The following STAT3 variants were observed in gnomAD, a reference collection of about 807,000 sequenced individuals.
The protein encoded by STAT3 is signal transducer and activator of transcription 3.
STAT3 carries 7 observed loss-of-function variants against 114.3 expected under a neutral mutation model. The observed-to-expected ratio is 0.06, with a 90% confidence interval of 0.03 to 0.11. The LOEUF (loss-of-function observed/expected upper bound fraction) is 0.11. Among genes scored for constraint, STAT3 ranks in the 10% least tolerant of loss-of-function variants. The pLI is 1.00. For synonymous variants in STAT3, 331 were observed against 354.5 expected (o/e 0.93, Z 0.74); for missense variants, 364 against 960.9 (o/e 0.38, Z 8.21).
At chr17:42,318,988 C>T (rs2081356741) in intron 21 of STAT3, among the ~76,000 whole-genome samples, 1 of 152,204 alleles carries the variant, frequency 6.6e-6, no homozygotes. Context: ...TGCCTGTAAT[C>T]CCTGCACTTT....
chr17:42,340,348 T>G (rs976782926), intron 4 of STAT3, among the ~76,000 whole-genome samples: 1 of 105,656 alleles, frequency 9.5e-6, no homozygotes, highest in South Asian at 3.1e-4. Flanking sequence ...AAAGTGAAAC[T>G]CCATCTCAAA....
At chr17:42,342,430 C>T (rs2082482582) in intron 4 of STAT3, among the ~76,000 whole-genome samples, 1 of 151,928 alleles carries the variant, frequency 6.6e-6, no homozygotes, top group African/African-American at 2.4e-5. Context: ...TTGCAGTGGG[C>T]CGAAATCGCG....
chr17:42,352,035 A>AT (rs1386923917), intron 1 of STAT3, among the ~76,000 whole-genome samples: 2 of 151,832 alleles, frequency 1.3e-5, no homozygotes, highest in Non-Finnish European at 2.9e-5. Flanking sequence ...GATCCTGCTT[A>AT]TAATTAATTA....
At position 42,337,369 on chromosome 17, in the gene STAT3, T is replaced by G. The variant is rs933212366; in HGVS notation, c.797+66A>C. On this transcript the variant is annotated intron_variant, in intron 8 of 23. Transcript: ENST00000264657. This position sits in a 1 kb window ranked among gnomAD's most constrained non-coding sequence, Gnocchi z 4.0. ...AGATATAGTACCAATTCTGTGGGCC[T>G]GCAGTTAAGATCAGAATTCAATCTA... 6.3e-7 allele frequency: 1 copy of G among 1,596,322 alleles called. No homozygotes were observed. The highest frequency in any genetic ancestry group is 8.6e-7 in the Non-Finnish European group (1 of 1,167,908).
intron 1 of STAT3, among the ~76,000 whole-genome samples, chr17:42,365,857 T>C (rs1189758976): frequency 1.3e-5 from 2 of 152,010 alleles, no homozygotes; most frequent in African/African-American, 2.4e-5. Flanking sequence ...GGTTTCACCA[T>C]ATTGGCCAGG....
At chr17:42,343,109 C>A (rs1304921099) in intron 4 of STAT3, among the ~76,000 whole-genome samples, 3 of 147,152 alleles carry the variant, frequency 2.0e-5, no homozygotes, top group Non-Finnish European at 4.5e-5. Context: ...GTGGTTGAGG[C>A]TGCAGTGAGC....
At chr17:42,363,731 C>A (rs2083635161) in intron 1 of STAT3, among the ~76,000 whole-genome samples, 1 of 151,866 alleles carries the variant, frequency 6.6e-6, no homozygotes, top group African/African-American at 2.4e-5. Flanking sequence ...CGATTATAGG[C>A]ATGAGCCATG....
At position 42,322,502 on chromosome 17, in the gene STAT3, A is replaced by G. The variant is rs774669527; in HGVS notation, c.1889-8T>C. ...ACTGGATCTGGGTCTTACCTGTCAC[A>G]GGACATGGGAAGGAAAGATCATGGA... On this transcript the variant is annotated splice_region_variant and splice_polypyrimidine_tract_variant and intron_variant, in intron 20 of 23. Coordinates refer to ENST00000264657, the MANE Select transcript of STAT3 (RefSeq NM_139276.3). 1.9e-6 allele frequency: 3 copies of G among 1,614,038 alleles called. No homozygotes were observed. The highest frequency in any genetic ancestry group is 2.7e-5 in the African/African-American group (2 of 74,934).
intron 14 of STAT3, among the ~76,000 whole-genome samples, chr17:42,327,106 C>T (rs1839477846): frequency 6.6e-6 from 1 of 152,234 alleles, no homozygotes; most frequent in African/African-American, 2.4e-5. Context: ...ATACGTAAGG[C>T]ACAAAGAATA....
chr17:42,344,613 G>A (rs1051795392), intron 4 of STAT3, among the ~76,000 whole-genome samples: 3 of 151,676 alleles, frequency 2.0e-5, no homozygotes, highest in Admixed American at 6.6e-5. Flanking sequence ...CAGCTAGTCG[G>A]GAGGCTGAGG....
intron 1 of STAT3, among the ~76,000 whole-genome samples, chr17:42,373,671 C>T (rs888364874): frequency 1.3e-5 from 2 of 151,866 alleles, no homozygotes; most frequent in African/African-American, 4.8e-5. Flanking sequence ...GGGTGGATCA[C>T]GAGGTCAGGA....
chr17:42,332,893 C>T (rs1482140509), intron 10 of STAT3, among the ~76,000 whole-genome samples: 1 of 151,582 alleles, frequency 6.6e-6, no homozygotes, highest in Non-Finnish European at 1.5e-5. Flanking sequence ...CCCAGTTACT[C>T]AGGAGGCTGA....
At chr17:42,317,321 A>G in intron 21 of STAT3, 97 bp from the exon 22 acceptor site, 1 of 1,378,684 alleles carries the variant, frequency 7.3e-7, no homozygotes, top group East Asian at 2.4e-5. Flanking sequence ...CTGATTTGAA[A>G]CTCACTCATC....
At position 42,348,475 on chromosome 17, in the gene STAT3, G is replaced by A. The variant is rs2145014201; in HGVS notation, c.42C>T (p.Tyr14=). 6.2e-7 allele frequency: 1 copy of A among 1,613,948 alleles called. No individual in the cohort carries two copies. Among genetic ancestry groups the A allele is most frequent in the Non-Finnish European group, 8.5e-7 (1 of 1,180,012 alleles). The change falls in exon 2 of 24, where the codon TAC becomes TAT. Residue 14 remains tyrosine, a synonymous_variant. Transcript: ENST00000264657. ...TGTAGAGCTGATGGAGCTGCTCCAG[G>A]TACCGTGTGTCAAGCTGCTGTAGCT... The part of the protein sequence containing the change: ...WNQLQQLDTR[Y]LEQLHQLYSD...
At chr17:42,338,481 GGACCTGAGGGAATAC>G (rs2082311042) in intron 6 of STAT3, among the ~76,000 whole-genome samples, 1 of 27,306 alleles carries the variant, frequency 3.7e-5, no homozygotes. Context: ...GAATACTCCT[GGACCTGAGGGAATAC>G]TCCTTGACCT....
chr17:42,376,575 G>A (rs1030682069), intron 1 of STAT3, among the ~76,000 whole-genome samples: 40 of 150,676 alleles, frequency 2.7e-4, no homozygotes, highest in African/African-American at 8.6e-4. Flanking sequence ...GGCCAGGTGC[G>A]GTGGCTCACA....
At chr17:42,372,817 G>A (rs1291047124) in intron 1 of STAT3, among the ~76,000 whole-genome samples, 1 of 151,368 alleles carries the variant, frequency 6.6e-6, no homozygotes, top group South Asian at 2.1e-4. Flanking sequence ...ACTGCAACCT[G>A]GCCTGGACAA....
intron 1 of STAT3, among the ~76,000 whole-genome samples, chr17:42,354,273 G>A (rs1205174311): frequency 2.0e-5 from 3 of 148,226 alleles, no homozygotes; most frequent in Admixed American, 6.8e-5. Flanking sequence ...AGGTTCAAGC[G>A]ATTCTCCTGC....
chr17:42,339,546 C>A, intron 4 of STAT3, 137 bp from the exon 5 acceptor site: 2 of 819,492 alleles, frequency 2.4e-6, no homozygotes, highest in Non-Finnish European at 4.1e-6. Context: ...GGAAGGGAAA[C>A]AGAGGCAGTG....
Sources: gnomAD v4.1 joint callset for allele counts (sites outside exome capture counted in the v4.1 genomes callset) on GRCh38, gnomAD v4.1.1 for gene constraint, Gnocchi (gnomAD v3.1) non-coding constraint, MANE v1.5 for transcripts, NCBI Gene and HGNC (gene_info 2026-07-23, HGNC 2026-07-21) for gene names.